Variants in AIDA observed in about 807,000 individuals in gnomAD.
AIDA encodes axin interactor, dorsalization associated.
In AIDA, 18 loss-of-function variants were observed where a neutral mutation model predicts 42.7. That is an observed-to-expected ratio of 0.42 (90% CI 0.29 to 0.63). The LOEUF (loss-of-function observed/expected upper bound fraction) is 0.63, where lower values mean the gene tolerates loss of function less well. Ranked by LOEUF, AIDA falls within the 20% of genes least tolerant of loss-of-function variation. The probability of loss-of-function intolerance (pLI) is 0.19; values close to 1 mark genes in which losing one functional copy is unlikely to be tolerated. For synonymous variants in AIDA, 104 were observed against 122.9 expected, an observed-to-expected ratio of 0.85 and a Z score of 1.02; for missense variants, 250 against 354.1, an observed-to-expected ratio of 0.71 and a Z score of 2.36.
At position 222,672,217 on chromosome 1, in the gene AIDA, C is replaced by T. The variant is rs578065428; in HGVS notation, c.706+1096G>A. ...GTTCTACTTTTATTATCTAGTGAGTCGAGCCATTAAGAAAGAACACAGTGT... is the reference window on the plus strand; with the variant it reads ...GTTCTACTTTTATTATCTAGTGAGTTGAGCCATTAAGAAAGAACACAGTGT... On this transcript the variant is annotated intron_variant, in intron 8 of 9. Coordinates refer to ENST00000340020, the MANE Select transcript of AIDA (RefSeq NM_022831.4). Among the ~76,000 whole-genome samples, 39 of 151,602 alleles carry T rather than the reference C, an allele frequency of 2.6e-4. 1 individual carries two copies. In the South Asian group the frequency reaches 7.1e-3, roughly 28 times the overall value.
chr1:222,673,519 G>T, intron 7 of AIDA, 84 bp from the exon 8 acceptor site: 1 of 1,213,916 alleles, frequency 8.2e-7, no homozygotes, highest in Non-Finnish European at 1.1e-6. Context: ...GCTCACGCCT[G>T]TAATCCTAGC....
At chr1:222,693,001 C>T (rs1655409323) in intron 4 of AIDA, among the ~76,000 whole-genome samples, 1 of 152,096 alleles carries the variant, frequency 6.6e-6, no homozygotes, top group African/African-American at 2.4e-5. Flanking sequence ...TTAGAAGTGG[C>T]TACTAAGGGC....
chr1:222,705,872 A>G (rs974462180), intron 1 of AIDA, among the ~76,000 whole-genome samples: 1 of 152,130 alleles, frequency 6.6e-6, no homozygotes, highest in African/African-American at 2.4e-5. Flanking sequence ...TAACAAGACC[A>G]AAACTCCATC....
chr1:222,676,410 T>C (rs1038592427), intron 6 of AIDA, among the ~76,000 whole-genome samples, 192 bp from the exon 7 acceptor site: 5 of 152,176 alleles, frequency 3.3e-5, no homozygotes, highest in Admixed American at 3.3e-4. Flanking sequence ...AATCTGCACT[T>C]CCATGTCTCA....
chr1:222,688,603 A>G (rs1005389395), intron 4 of AIDA, among the ~76,000 whole-genome samples: 1 of 145,214 alleles, frequency 6.9e-6, no homozygotes. Flanking sequence ...AAAAAAGTTA[A>G]TTTTTTTTTT....
rs2124944282 is a variant in AIDA, at chr1:222,668,067, A to G, written c.*1826T>C. The G allele has an allele frequency of 6.6e-6, 1 of 152,336 alleles. No homozygotes were observed. The highest frequency in any genetic ancestry group is 2.1e-4 in the South Asian group (1 of 4,834). 9.4% of individuals were successfully genotyped at this position (152,336 alleles called of 1,614,324 possible). ...AAGGTATTTGTAGTTCATATAAACTATACTTATGTGAAGGATAGCAGATGC... is the reference window on the plus strand; with the variant it reads ...AAGGTATTTGTAGTTCATATAAACTGTACTTATGTGAAGGATAGCAGATGC... On this transcript the variant is annotated 3_prime_UTR_variant, in exon 10 of 10. Coordinates refer to ENST00000340020, the MANE Select transcript of AIDA (RefSeq NM_022831.4).
intron 4 of AIDA, among the ~76,000 whole-genome samples, chr1:222,689,644 GTGTT>G (rs993067863): frequency 2.2e-4 from 32 of 147,058 alleles, no homozygotes; most frequent in African/African-American, 7.9e-4. Context: ...GCTGTACAAA[GTGTT>G]TGTATTTTAA....
At chr1:222,685,417 T>C (rs1196763943) in intron 6 of AIDA, among the ~76,000 whole-genome samples, 3 of 152,214 alleles carry the variant, frequency 2.0e-5, no homozygotes. Context: ...CAGTTATCTG[T>C]TGGTCCAAGC....
At chr1:222,675,954 C>A in intron 7 of AIDA, 142 bp downstream of exon 7, 1 of 845,108 alleles carries the variant, frequency 1.2e-6, no homozygotes, top group East Asian at 3.0e-5. Context: ...CTTCCAGGGA[C>A]TTTGCCTCAT....
intron 7 of AIDA, among the ~76,000 whole-genome samples, chr1:222,673,915 C>T (rs1664497876): frequency 2.0e-5 from 3 of 152,066 alleles, no homozygotes; most frequent in African/African-American, 7.2e-5. Context: ...GAAACCCCAT[C>T]TCTACTAAAA....
chr1:222,712,115 G>A (rs894517701), intron 1 of AIDA, 93 bp downstream of exon 1: 40 of 1,534,186 alleles, frequency 2.6e-5, no homozygotes, highest in Non-Finnish European at 3.4e-5. Context: ...AGAAGCCTTG[G>A]CTGCAGATAC....
At chr1:222,677,096 CAA>C (rs1342258563) in intron 6 of AIDA, among the ~76,000 whole-genome samples, 4 of 152,022 alleles carry the variant, frequency 2.6e-5, no homozygotes, top group Non-Finnish European at 5.9e-5. Flanking sequence ...CTTTTCTTCA[CAA>C]AAGTCTTATA....
At chr1:222,706,854 CAAAAAAA>C (rs767799244) in intron 1 of AIDA, among the ~76,000 whole-genome samples, 4 of 72,098 alleles carry the variant, frequency 5.5e-5, no homozygotes, top group African/African-American at 1.9e-4. Flanking sequence ...GACTGCGCCT[CAAAAAAA>C]AAAAAAAAAA....
At chr1:222,706,791 G>A (rs183821706) in intron 1 of AIDA, among the ~76,000 whole-genome samples, 1 of 149,908 alleles carries the variant, frequency 6.7e-6, no homozygotes, top group East Asian at 2.0e-4. Flanking sequence ...AATCATGGAG[G>A]TTGCAGTGAG....
intron 4 of AIDA, among the ~76,000 whole-genome samples, chr1:222,690,698 T>C (rs954500535): frequency 7.5e-6 from 1 of 133,256 alleles, no homozygotes; most frequent in Non-Finnish European, 1.6e-5. Flanking sequence ...TCTTATAATA[T>C]ATACTCTTCA....
chr1:222,704,979 A>G (rs1476030466), intron 1 of AIDA, among the ~76,000 whole-genome samples: 1 of 152,242 alleles, frequency 6.6e-6, no homozygotes, highest in Non-Finnish European at 1.5e-5. Flanking sequence ...TTATGTTTCC[A>G]AATAAAATGT....
chr1:222,691,014 G>A (rs1272973962), intron 4 of AIDA, among the ~76,000 whole-genome samples: 1 of 152,196 alleles, frequency 6.6e-6, no homozygotes, highest in African/African-American at 2.4e-5. Context: ...GAATGTAACT[G>A]TGATTAGTGT....
Position 222,693,802 on chromosome 1 carries a change from C to T in AIDA, c.276G>A (p.Lys92=), listed in dbSNP as rs1655440107. The change falls in exon 4 of 10, where the codon AAG becomes AAA. Residue 92 remains lysine (K), a synonymous_variant. Coordinates refer to ENST00000340020, the MANE Select transcript of AIDA (RefSeq NM_022831.4). Reference sequence around the variant, plus strand: ...ACTTAAACTTACTTGGTTCTAGCTTCTTCAGGTCCTCCAGTTTAAATTCTT... The same window carrying T: ...ACTTAAACTTACTTGGTTCTAGCTTTTTCAGGTCCTCCAGTTTAAATTCTT... ...SQEEFKLEDL[K]KLEPILKNIL... 1 of 1,609,770 alleles carries T rather than the reference C, an allele frequency of 6.2e-7. No homozygotes were observed. Among genetic ancestry groups the T allele is most frequent in the Non-Finnish European group, 8.5e-7 (1 of 1,177,142 alleles).
chr1:222,687,153 G>C (rs1655218621), intron 5 of AIDA, 117 bp from the exon 6 acceptor site: 1 of 1,480,354 alleles, frequency 6.8e-7, no homozygotes, highest in Non-Finnish European at 9.1e-7. Context: ...TGATAGGCCG[G>C]GTGTGGTGGC....
Sources: allele counts gnomAD v4.1 joint callset (sites outside exome capture counted in the v4.1 genomes callset), GRCh38; gene constraint gnomAD v4.1.1; transcripts MANE v1.5; gene names NCBI Gene and HGNC (gene_info 2026-07-23, HGNC 2026-07-21).